Variants in SACS observed in about 807,000 individuals in gnomAD.
SACS encodes the protein sacsin.
A neutral mutation model predicts 348.0 loss-of-function variants in SACS; 197 were observed. The observed-to-expected ratio is 0.57, with a 90% confidence interval of 0.50 to 0.64. The LOEUF (loss-of-function observed/expected upper bound fraction) is 0.64, where lower values mean the gene tolerates loss of function less well. Among genes scored for constraint, SACS ranks in the 30% least tolerant of loss-of-function variants. SACS has a pLI of 0.00. For missense variants in SACS, 4,999 were observed against 5,360.8 expected, an observed-to-expected ratio of 0.93 and a Z score of 2.11; for synonymous variants, 1,985 against 1,910.6, an observed-to-expected ratio of 1.04 and a Z score of -1.02.
chr13:23,332,120 G>A lies in SACS; in HGVS notation c.11756C>T (p.Ser3919Leu). 1 of 1,614,014 alleles carries A rather than the reference G, an allele frequency of 6.2e-7. No homozygotes were observed. Among genetic ancestry groups the A allele is most frequent in the Non-Finnish European group, 8.5e-7 (1 of 1,179,960 alleles). Reference protein sequence around the residue: ...LPSQDGRLVKSSILVFDDAPH... With the variant: ...LPSQDGRLVKLSILVFDDAPH... ...CGCATCGTCAAACACTAAGATGCTT[G>A]ACTTTACCAATCTACCATCCTGGCT... The change falls in exon 10 of 10, where the codon TCA (serine) becomes TTA (leucine). Residue 3919 changes from serine (S) to leucine (L), a missense_variant. Physicochemically the swap from Ser to Leu is moderately radical, Grantham distance 145. Around this residue, in one of 6 missense-constraint regions of SACS, gnomAD observed 831 missense variants for 941.8 expected, o/e 0.88. Coordinates refer to ENST00000382292, the MANE Select transcript of SACS (RefSeq NM_014363.6).
chr13:23,341,123 T>C lies in SACS; in HGVS notation c.2753A>G (p.Lys918Arg). 2.5e-6 allele frequency: 4 copies of C among 1,613,524 alleles called. No homozygotes were observed. The highest frequency in any genetic ancestry group is 3.4e-6 in the Non-Finnish European group (4 of 1,179,966). Residue 918 changes from lysine to arginine, a missense_variant, in exon 10 of 10, where the codon AAA becomes AGA. Coordinates refer to ENST00000382292, the MANE Select transcript of SACS (RefSeq NM_014363.6). The stretch of plus-strand genomic sequence containing the variant: ...TATTGCCAATTCTTGAATAATTCTT[T>C]TCTCTTTCTCACTGCTATCGGTTAA... ...ASLTDSSEKE[K>R]RIIQELAIFK... is the part of the protein sequence containing the mutation.
At chr13:23,345,413 C>A (rs936905969) in intron 9 of SACS, among the ~76,000 whole-genome samples, 7 of 152,198 alleles carry the variant, frequency 4.6e-5, no homozygotes, top group Non-Finnish European at 8.8e-5. Context: ...TCCCAGGGCC[C>A]AGCATAAAAG....
chr13:23,387,025 T>A (rs79527976), intron 2 of SACS, among the ~76,000 whole-genome samples: 2 of 152,040 alleles, frequency 1.3e-5, no homozygotes, highest in East Asian at 1.9e-4. Context: ...AAAGCAGATA[T>A]AATAACAATG....
intron 1 of SACS, chr13:23,427,869 T>C (rs9317679): frequency 0.17 from 25,647 of 152,218 alleles, 2,499 homozygotes; most frequent in African/African-American, 0.27. Flanking sequence ...CCTGCAGGAA[T>C]GAGGTTAAAA....
At chr13:23,346,658 T>C (rs1272880854) in intron 9 of SACS, among the ~76,000 whole-genome samples, 1 of 152,210 alleles carries the variant, frequency 6.6e-6, no homozygotes, top group African/African-American at 2.4e-5. Context: ...TTAGTATGGT[T>C]TCCTCTCTCC....
Position 23,337,735 on chromosome 13 carries a change from A to C in SACS, c.6141T>G (p.Leu2047=). The change falls in exon 10 of 10, where the codon CTT becomes CTG. Residue 2047 remains leucine, a synonymous_variant. Coordinates refer to ENST00000382292, the MANE Select transcript of SACS (RefSeq NM_014363.6). ...ACTGTTTCTCTGAAAATGTGTTTTC[A>C]AGTAGTATCTGTTTGCAGCCAGCTT... ...FEEAGCKQIL[L]ENTFSEKQFF... The C allele has an allele frequency of 6.2e-7, 1 of 1,613,746 alleles. No homozygotes were observed. Among genetic ancestry groups the C allele is most frequent in the Non-Finnish European group, 8.5e-7 (1 of 1,179,932 alleles).
Position 23,392,924 on chromosome 13 carries a change from G to C in SACS, c.21-17655C>G, listed in dbSNP as rs2137902122. Among the ~76,000 whole-genome samples, 4 of 152,232 alleles carry C rather than the reference G, an allele frequency of 2.6e-5. No homozygotes were observed. In the Middle Eastern group the frequency reaches 0.01, roughly 388 times the overall value. The stretch of plus-strand genomic sequence containing the variant: ...GAAGCCACAGTGTTCATGAAATACT[G>C]GGCAGGACTGAGTTCATGCATAGTC... On this transcript the variant is annotated intron_variant, in intron 2 of 9. Coordinates refer to ENST00000382292, the MANE Select transcript of SACS (RefSeq NM_014363.6).
At chr13:23,389,773 T>C (rs538575749) in intron 2 of SACS, among the ~76,000 whole-genome samples, 1 of 152,376 alleles carries the variant, frequency 6.6e-6, no homozygotes, top group South Asian at 2.1e-4. Context: ...TTTTGTATTC[T>C]GCATTTAGCC....
chr13:23,425,923 GCAATA>G (rs1484318703), intron 1 of SACS, among the ~76,000 whole-genome samples: 1 of 152,184 alleles, frequency 6.6e-6, no homozygotes, highest in East Asian at 1.9e-4. Context: ...AAATTAAAAT[GCAATA>G]CAATAAGATT....
chr13:23,335,685 GCA>G lies in SACS; in HGVS notation c.8189_8190del (p.Leu2730ProfsTer12). ...ATTAGAAGTTCTGCCCCATCTGAGC[GCA>G]GTTTGTCCAAAAGATTCTGGACCAT... ...DRMVQNLLDK[L>X]RSDGAELLMF... is the part of the protein sequence containing the mutation. On this transcript the variant is annotated frameshift_variant, in exon 10 of 10. Transcript: ENST00000382292. LOFTEE classifies it high-confidence loss of function. This position sits in a 1 kb window ranked among gnomAD's most constrained non-coding sequence, Gnocchi z 4.7. The G allele has an allele frequency of 6.2e-7, 1 of 1,613,974 alleles. No individual in the cohort carries two copies. Among genetic ancestry groups the G allele is most frequent in the Non-Finnish European group, 8.5e-7 (1 of 1,179,902 alleles).
At position 23,339,778 on chromosome 13, in the gene SACS, C is replaced by T. The variant is rs200381539; in HGVS notation, c.4098G>A (p.Leu1366=). ...LHLMLNIIRW[L]YSNQIPASPN... is the part of the protein sequence containing the mutation. ...GGCTTGCTGGAATCTGATTGCTATACAGCCATCTGATAATATTCAACATAA... is the reference window on the plus strand; with the variant it reads ...GGCTTGCTGGAATCTGATTGCTATATAGCCATCTGATAATATTCAACATAA... The change falls in exon 10 of 10, where the codon CTG becomes CTA. Residue 1366 remains leucine (L), a synonymous_variant. Transcript: ENST00000382292. 1.2e-6 allele frequency: 2 copies of T among 1,613,898 alleles called. No homozygotes were observed. Among genetic ancestry groups the T allele is most frequent in the Middle Eastern group, 1.6e-4 (1 of 6,062 alleles).
At position 23,336,331 on chromosome 13, in the gene SACS, A is replaced by G. The variant is rs1327074827; in HGVS notation, c.7545T>C (p.Phe2515=). Residue 2515 remains phenylalanine, a synonymous_variant, in exon 10 of 10, where the codon TTT becomes TTC. Coordinates refer to ENST00000382292, the MANE Select transcript of SACS (RefSeq NM_014363.6). The stretch of plus-strand genomic sequence containing the variant: ...GCCCAAATTCTGTGCCAAGTGTTGT[A>G]AAACAGACATTGGATGCATATCTTT... ...ALERYASNVC[F]TTLGTEFGQK... The G allele has an allele frequency of 1.2e-6, 2 of 1,613,964 alleles. No homozygotes were observed. The highest frequency in any genetic ancestry group is 2.2e-5 in the East Asian group (1 of 44,892).
intron 1 of SACS, among the ~76,000 whole-genome samples, chr13:23,423,243 G>A (rs1874028010): frequency 1.3e-5 from 2 of 151,972 alleles, no homozygotes; most frequent in Non-Finnish European, 1.5e-5. Flanking sequence ...ATGAATATAC[G>A]AATATCCATC....
At chr13:23,411,987 C>T (rs1312681937) in intron 1 of SACS, among the ~76,000 whole-genome samples, 1 of 152,156 alleles carries the variant, frequency 6.6e-6, no homozygotes, top group Non-Finnish European at 1.5e-5. Flanking sequence ...CGGCCGGGCG[C>T]GGTGGCTCAC....
chr13:23,353,926 G>T (rs748454406), intron 8 of SACS, 50 bp from the exon 9 acceptor site: 1 of 1,081,424 alleles, frequency 9.2e-7, no homozygotes, highest in Non-Finnish European at 1.4e-6. Context: ...ACAATTCCAA[G>T]ATTTTAAAAA....
chr13:23,333,909 C>A lies in SACS; in HGVS notation c.9967G>T (p.Ala3323Ser). Residue 3323 changes from alanine (A) to serine (S), a missense_variant, in exon 10 of 10, where the codon GCT becomes TCT. Coordinates refer to ENST00000382292, the MANE Select transcript of SACS (RefSeq NM_014363.6). ...TGAATACAGCCAGCTTTCATTAGAG[C>A]ATGAAAAACTTTATCACTCTGGGCA... ...PNAQSDKVFHALMKAGCIQLA... is the reference protein window; with the variant it reads ...PNAQSDKVFHSLMKAGCIQLA... 2 of 1,613,796 alleles carry A rather than the reference C, an allele frequency of 1.2e-6. No homozygotes were observed. Among genetic ancestry groups the A allele is most frequent in the Non-Finnish European group, 1.7e-6 (2 of 1,179,816 alleles).
chr13:23,357,300 G>A (rs746798410), intron 7 of SACS, among the ~76,000 whole-genome samples: 5 of 152,096 alleles, frequency 3.3e-5, no homozygotes, highest in Admixed American at 2.0e-4. Flanking sequence ...AGGTGGACAC[G>A]AGTATTAATA....
rs1419027987 is a variant in SACS, at chr13:23,358,445, G to A, written c.494C>T (p.Thr165Ile). The change falls in exon 7 of 10, where the codon ACC (threonine) becomes ATC (isoleucine). Residue 165 changes from threonine (T) to isoleucine (I), a missense_variant. Around this residue, in one of 6 missense-constraint regions of SACS, gnomAD observed 3,156 missense variants for 3,380.1 expected, o/e 0.93. Coordinates refer to ENST00000382292, the MANE Select transcript of SACS (RefSeq NM_014363.6). ...TTGAATGCCGTGCCAGTCCTCTGGG[G>A]TGAAAACCGCGTTGTTGTACACATA... ...ALYVYNNAVF[T>I]PEDWHGIQEI... 6 of 1,614,136 alleles carry A rather than the reference G, an allele frequency of 3.7e-6. No individual in the cohort carries two copies. The Admixed American group carries it at 8.3e-5, about 22-fold the overall frequency.
At chr13:23,395,691 C>T (rs1385350816) in intron 2 of SACS, among the ~76,000 whole-genome samples, 1 of 152,176 alleles carries the variant, frequency 6.6e-6, no homozygotes, top group African/African-American at 2.4e-5. Context: ...TACAAGTCTC[C>T]TCCATAAATA....
Sources: allele counts gnomAD v4.1 joint callset (sites outside exome capture counted in the v4.1 genomes callset), GRCh38; gene constraint gnomAD v4.1.1; regional missense constraint gnomAD v4.1.1; non-coding constraint Gnocchi (gnomAD v3.1); transcripts MANE v1.5; gene names NCBI Gene and HGNC (gene_info 2026-07-23, HGNC 2026-07-21).